The following PIWIL1 variants were observed in gnomAD, a reference collection of about 807,000 sequenced individuals.
The protein encoded by PIWIL1 is piwi-like protein 1.
In PIWIL1, 73 loss-of-function variants were observed where a neutral mutation model predicts 114.4. The observed-to-expected ratio is 0.64, with a 90% CI of 0.53 to 0.78. The LOEUF is 0.78. PIWIL1 is among the 30% of genes least tolerant of loss of function. The pLI is 0.00. For synonymous variants in PIWIL1, 375 were observed against 369.0 expected (o/e 1.02, Z -0.19); for missense variants, 723 against 1,063.1 (o/e 0.68, Z 4.45).
the PIWIL1 span, among the ~76,000 whole-genome samples, chr12:130,412,356 A>T: frequency 2.0e-5 from 3 of 152,198 alleles, no homozygotes; most frequent in African/African-American, 7.2e-5. Flanking sequence ...TTTGCAAGCA[A>T]GACGGTACTT....
At chr12:130,392,495 C>CGT in the PIWIL1 span, among the ~76,000 whole-genome samples, 3 of 2,170 alleles carry the variant, frequency 1.4e-3, no homozygotes, top group Non-Finnish European at 3.0e-3. Flanking sequence ...ACCGTCATCA[C>CGT]GTGTCCGTCA....
the PIWIL1 span, chr12:130,406,309 A>C: frequency 7.6e-6 from 8 of 1,055,982 alleles, no homozygotes; most frequent in Non-Finnish European, 1.1e-5. Flanking sequence ...TTTAAAAATA[A>C]GTTCTCTATG....
intron 9 of PIWIL1, among the ~76,000 whole-genome samples, chr12:130,352,445 G>A (rs1053073321): frequency 1.3e-4 from 20 of 152,314 alleles, no homozygotes; most frequent in African/African-American, 3.6e-4. Context: ...CTGGGAGGCC[G>A]AGGTGGGTGG....
chr12:130,395,619 T>C, the PIWIL1 span, among the ~76,000 whole-genome samples: 1 of 152,206 alleles, frequency 6.6e-6, no homozygotes, highest in Non-Finnish European at 1.5e-5. Flanking sequence ...GGTAAAAAGA[T>C]ATTATGGTAG....
At position 130,343,055 on chromosome 12, in the gene PIWIL1, C is replaced by T. The variant is rs2072969369; in HGVS notation, c.144C>T (p.Gly48=). The change falls in exon 3 of 21, where the codon GGC becomes GGT. Residue 48 remains glycine, a synonymous_variant. Coordinates refer to ENST00000245255, the MANE Select transcript of PIWIL1 (RefSeq NM_004764.5). ...QPPPAEGELF[G]RGRQRGTAGG... Reference sequence around the variant, plus strand: ...CACCAGCAGAGGGGGAATTATTTGGCCGTGGACGGCAGAGAGGAACAGCAG... The same window carrying T: ...CACCAGCAGAGGGGGAATTATTTGGTCGTGGACGGCAGAGAGGAACAGCAG... 5 of 1,613,932 alleles carry T rather than the reference C, an allele frequency of 3.1e-6. No homozygotes were observed. Among genetic ancestry groups the T allele is most frequent in the Non-Finnish European group, 3.4e-6 (4 of 1,179,908 alleles).
At chr12:130,358,163 G>T (rs145007765) in intron 14 of PIWIL1, among the ~76,000 whole-genome samples, 1 of 152,180 alleles carries the variant, frequency 6.6e-6, no homozygotes, top group Non-Finnish European at 1.5e-5. Flanking sequence ...ACTGAGTCCC[G>T]AAGAGCCCAT....
At chr12:130,406,023 TA>T in the PIWIL1 span, 2 of 617,942 alleles carry the variant, frequency 3.2e-6, no homozygotes, top group African/African-American at 3.7e-5. Flanking sequence ...AGCAAAGTTC[TA>T]TAACTCAGCC....
the PIWIL1 span, among the ~76,000 whole-genome samples, chr12:130,422,170 G>T: frequency 6.6e-6 from 1 of 152,280 alleles, no homozygotes; most frequent in East Asian, 1.9e-4. The surrounding 1 kb of genome is among the most constrained non-coding windows in gnomAD (Gnocchi z 5.2). Flanking sequence ...GGATGAGGGA[G>T]GTGACACAAA....
the PIWIL1 span, among the ~76,000 whole-genome samples, chr12:130,423,656 C>CAAAA: frequency 2.8e-4 from 14 of 50,104 alleles, no homozygotes; most frequent in East Asian, 1.8e-3. Flanking sequence ...AAACAATATG[C>CAAAA]AAAAAAAAAA....
Position 130,355,002 on chromosome 12 carries a change from A to G in PIWIL1, c.1286A>G (p.His429Arg), listed in dbSNP as rs1233986060. The change falls in exon 11 of 21, where the codon CAT becomes CGT. Residue 429 changes from histidine to arginine, a missense_variant. By Grantham distance (29) the His-to-Arg change is conservative. This residue lies in a region of PIWIL1 where 298 missense variants were observed against 420.8 expected (regional missense o/e 0.71). Coordinates refer to ENST00000245255, the MANE Select transcript of PIWIL1 (RefSeq NM_004764.5). ...REVGRLIDYI[H>R]KNDNVQRELR... ...GTGGGACGACTCATTGATTACATTC[A>G]TAAGTAAGTCATTGATTTCACTGGG... 16 of 1,580,170 alleles carry G rather than the reference A, an allele frequency of 1.0e-5. No individual in the cohort carries two copies. Among genetic ancestry groups the G allele is most frequent in the East Asian group, 2.2e-5 (1 of 44,744 alleles).
intron 7 of PIWIL1, 53 bp from the exon 8 acceptor site, chr12:130,349,186 C>T: frequency 1.5e-6 from 2 of 1,350,966 alleles, no homozygotes; most frequent in Non-Finnish European, 2.1e-6. Flanking sequence ...TTAGTGTGTG[C>T]AGAATGTGTT....
the PIWIL1 span, among the ~76,000 whole-genome samples, chr12:130,382,283 A>G: frequency 2.6e-5 from 4 of 152,320 alleles, no homozygotes; most frequent in African/African-American, 4.8e-5. Flanking sequence ...TCCCAACCCT[A>G]TGAATCCACT....
At chr12:130,353,798 C>T (rs984715368) in intron 9 of PIWIL1, among the ~76,000 whole-genome samples, 2 of 151,258 alleles carry the variant, frequency 1.3e-5, no homozygotes, top group Non-Finnish European at 2.9e-5. Context: ...CGGTGGTGTG[C>T]ACCTGTAATC....
the PIWIL1 span, among the ~76,000 whole-genome samples, chr12:130,402,661 A>C: frequency 2.0e-5 from 3 of 152,196 alleles, no homozygotes; most frequent in Non-Finnish European, 2.9e-5. Context: ...GCGGCCAAAC[A>C]GTAACTACCT....
the PIWIL1 span, chr12:130,425,009 C>T: frequency 8.9e-5 from 38 of 424,754 alleles, no homozygotes; most frequent in Non-Finnish European, 1.1e-4. Context: ...GGGGGCATGC[C>T]GTGGAGGGCT....
chr12:130,392,136 ACGTGTCCGT>A, the PIWIL1 span, among the ~76,000 whole-genome samples: 27 of 123,652 alleles, frequency 2.2e-4, no homozygotes, highest in South Asian at 2.7e-4. Flanking sequence ...CACCGTCATC[ACGTGTCCGT>A]CAGTTACCTG....
intron 18 of PIWIL1, among the ~76,000 whole-genome samples, chr12:130,365,760 T>A (rs982346596): frequency 6.6e-6 from 1 of 152,230 alleles, no homozygotes; most frequent in Non-Finnish European, 1.5e-5. Flanking sequence ...ATACTTGTTT[T>A]AGATGCTGTC....
At position 130,338,045 on chromosome 12, in the gene PIWIL1, G is replaced by A. The variant is rs1480265282; in HGVS notation, c.-114G>A. ...GTGGGCGCGGGCCGAAGGAGGTCCT[G>A]GGAGGTCGGCGGCGCGGAGGGATCT... On this transcript the variant is annotated 5_prime_UTR_variant, in exon 1 of 21. Coordinates refer to ENST00000245255, the MANE Select transcript of PIWIL1 (RefSeq NM_004764.5). The A allele has an allele frequency of 1.1e-5, 2 of 181,710 alleles. No homozygotes were observed. The highest frequency in any genetic ancestry group is 4.8e-5 in the African/African-American group (2 of 41,624). 11.3% of individuals were successfully genotyped at this position (181,710 alleles called of 1,614,324 possible).
the PIWIL1 span, chr12:130,406,083 A>G: frequency 2.4e-6 from 2 of 833,950 alleles, no homozygotes; most frequent in South Asian, 1.6e-5. Context: ...CCCAATTTTA[A>G]GAGAAGGAAC....
Sources: allele counts gnomAD v4.1 joint callset (sites outside exome capture counted in the v4.1 genomes callset), GRCh38; gene constraint gnomAD v4.1.1; regional missense constraint gnomAD v4.1.1; non-coding constraint Gnocchi (gnomAD v3.1); transcripts MANE v1.5; gene names NCBI Gene and HGNC (gene_info 2026-07-23, HGNC 2026-07-21).